Variants in QKI observed in about 807,000 individuals in gnomAD.
QKI encodes KH domain-containing RNA-binding protein QKI.
In QKI, 10 loss-of-function variants were observed where a neutral mutation model predicts 39.0. That is an observed-to-expected ratio of 0.26 (90% CI 0.16 to 0.43). The LOEUF (loss-of-function observed/expected upper bound fraction) is 0.43, where lower values mean the gene tolerates loss of function less well. Among genes scored for constraint, QKI ranks in the 20% least tolerant of loss-of-function variants. The pLI is 1.00. For synonymous variants in QKI, 204 were observed against 155.4 expected (o/e 1.31, Z -2.33); for missense variants, 218 against 428.0 (o/e 0.51, Z 4.33).
intron 1 of QKI, among the ~76,000 whole-genome samples, chr6:163,421,098 A>G (rs867787626): frequency 1.3e-5 from 2 of 152,344 alleles, no homozygotes; most frequent in Middle Eastern, 3.4e-3. Flanking sequence ...TGAAAGTGAC[A>G]TTAGAAATAT....
At chr6:163,492,783 C>T (rs929529307) in intron 3 of QKI, among the ~76,000 whole-genome samples, 4 of 151,956 alleles carry the variant, frequency 2.6e-5, no homozygotes, top group Non-Finnish European at 5.9e-5. Flanking sequence ...AGTGAGTAAA[C>T]GGATGCCTAT....
At chr6:163,442,917 T>A (rs1400830983) in intron 1 of QKI, among the ~76,000 whole-genome samples, 1 of 152,200 alleles carries the variant, frequency 6.6e-6, no homozygotes, top group Non-Finnish European at 1.5e-5. Context: ...GGCTGTATTC[T>A]GCATTGAAAA....
rs575089093 is a variant in QKI at position 163,535,225 on chromosome 6, T to C, written c.546+100T>C. On this transcript the variant is annotated intron_variant, in intron 4 of 7. Transcript: ENST00000361752. ...TTATAAGGAATAGGTTATTGGTTGT[T>C]AGAAATTTTATTTAAGCATAAAATT... 1.7e-3 allele frequency: 2,072 copies of C among 1,208,708 alleles called. 2 individuals carry two copies. Among genetic ancestry groups the C allele is most frequent in the Admixed American group, 2.6e-3 (91 of 34,706 alleles). 74.9% of individuals were successfully genotyped at this position (1,208,708 alleles called of 1,614,324 possible).
At chr6:163,493,433 A>G (rs1248003149) in intron 3 of QKI, among the ~76,000 whole-genome samples, 3 of 152,174 alleles carry the variant, frequency 2.0e-5, no homozygotes, top group Non-Finnish European at 2.9e-5. Context: ...CCAGCCTACA[A>G]TACTTTTTAA....
intron 1 of QKI, among the ~76,000 whole-genome samples, chr6:163,442,230 T>C (rs1351856392): frequency 1.3e-5 from 2 of 152,152 alleles, no homozygotes; most frequent in African/African-American, 4.8e-5. Flanking sequence ...AGTTGGAAAA[T>C]AGGTTATTTT....
chr6:163,468,488 G>T (rs979370014), intron 2 of QKI, among the ~76,000 whole-genome samples: 3 of 152,116 alleles, frequency 2.0e-5, no homozygotes, highest in Non-Finnish European at 4.4e-5. Context: ...AAGGTTAATG[G>T]AAGGGTTTTC....
At chr6:163,527,399 A>G (rs1462028811) in intron 3 of QKI, among the ~76,000 whole-genome samples, 1 of 152,144 alleles carries the variant, frequency 6.6e-6, no homozygotes, top group Non-Finnish European at 1.5e-5. Context: ...TGTTATTGGA[A>G]CCTTGGTTTT....
intron 5 of QKI, among the ~76,000 whole-genome samples, chr6:163,562,740 T>G (rs749722850): frequency 6.6e-6 from 1 of 152,362 alleles, no homozygotes; most frequent in East Asian, 1.9e-4. Flanking sequence ...AATTACTGAT[T>G]ATTTAAAACA....
intron 4 of QKI, among the ~76,000 whole-genome samples, chr6:163,545,491 C>T (rs992292391): frequency 6.6e-6 from 1 of 152,082 alleles, no homozygotes; most frequent in Admixed American, 6.6e-5. Context: ...TAAATCTTTG[C>T]TTACCGTCTG....
At chr6:163,435,148 A>G (rs373344966) in intron 1 of QKI, among the ~76,000 whole-genome samples, 71 of 152,330 alleles carry the variant, frequency 4.7e-4, no homozygotes, top group African/African-American at 1.5e-3. Context: ...TCCAAAAAAC[A>G]TAAAGCATGA....
chr6:163,487,227 A>G (rs916638144), intron 3 of QKI, among the ~76,000 whole-genome samples: 1 of 152,070 alleles, frequency 6.6e-6, no homozygotes, highest in Non-Finnish European at 1.5e-5. Context: ...AGCAATGGAA[A>G]GACAAGTAGT....
intron 3 of QKI, among the ~76,000 whole-genome samples, chr6:163,502,381 T>A (rs1778827900): frequency 6.6e-6 from 1 of 152,092 alleles, no homozygotes; most frequent in Admixed American, 6.5e-5. Flanking sequence ...TTCTTAATAT[T>A]GGTTAAATGT....
intron 3 of QKI, among the ~76,000 whole-genome samples, chr6:163,513,943 G>T (rs1426627914): frequency 6.6e-6 from 1 of 152,214 alleles, no homozygotes; most frequent in South Asian, 2.1e-4. Flanking sequence ...CCTGCTCTTG[G>T]TGGGCTGGAT....
intron 1 of QKI, among the ~76,000 whole-genome samples, chr6:163,436,789 CAAAAAAAAAAAA>C (rs60899517): frequency 1.8e-4 from 16 of 89,426 alleles, no homozygotes; most frequent in African/African-American, 7.1e-4. Context: ...GACTCCGTCT[CAAAAAAAAAAAA>C]AAAAAAAAAA....
intron 3 of QKI, among the ~76,000 whole-genome samples, chr6:163,497,622 G>A (rs1317073627): frequency 2.1e-5 from 3 of 142,140 alleles, no homozygotes; most frequent in Non-Finnish European, 4.6e-5. Flanking sequence ...GAAAAAATAA[G>A]AGTAGATATT....
intron 1 of QKI, among the ~76,000 whole-genome samples, chr6:163,441,111 C>T (rs1789731401): frequency 6.6e-6 from 1 of 152,026 alleles, no homozygotes; most frequent in African/African-American, 2.4e-5. Flanking sequence ...GCAGCCTTTT[C>T]CTTATTGGCT....
intron 7 of QKI, chr6:163,569,535 G>C (rs1562556626): frequency 1.1e-5 from 13 of 1,220,786 alleles, no homozygotes; most frequent in Non-Finnish European, 1.1e-5. Flanking sequence ...CTACTGTTAA[G>C]TGGACCAAGT....
chr6:163,481,591 A>G (rs1172519419), intron 3 of QKI, among the ~76,000 whole-genome samples: 1 of 152,224 alleles, frequency 6.6e-6, no homozygotes, highest in African/African-American at 2.4e-5. Context: ...ATGTACTTCT[A>G]ATGCTTTGGG....
chr6:163,457,536 A>T, intron 2 of QKI: 1 of 444,820 alleles, frequency 2.2e-6, no homozygotes, highest in Non-Finnish European at 4.5e-6. Flanking sequence ...ATACTTATTG[A>T]ATCAGAAACT....
Sources: gnomAD v4.1 joint callset for allele counts (sites outside exome capture counted in the v4.1 genomes callset) on GRCh38, gnomAD v4.1.1 for gene constraint, MANE v1.5 for transcripts, NCBI Gene and HGNC (gene_info 2026-07-23, HGNC 2026-07-21) for gene names.